The following SLC9D1 variants were observed in gnomAD, a reference collection of about 807,000 sequenced individuals.
SLC9D1 encodes the protein solute carrier family 9 member D1.
At chr13:113,526,854 A>G in the SLC9D1 span, among the ~76,000 whole-genome samples, 28,135 of 152,230 alleles carry the variant, frequency 0.18, 3,472 homozygotes, top group African/African-American at 0.35. Flanking sequence ...CGCCCTGTAC[A>G]GGTGTGCCAT....
At chr13:113,495,457 TA>T in the SLC9D1 span, 1 of 673,922 alleles carries the variant, frequency 1.5e-6, no homozygotes, top group Non-Finnish European at 2.5e-6. Context: ...TGATCAATAG[TA>T]ATGAATCATT....
At chr13:113,498,435 C>T in the SLC9D1 span, 1 of 1,587,994 alleles carries the variant, frequency 6.3e-7, no homozygotes, top group South Asian at 1.2e-5. Context: ...TTTATCCATG[C>T]TTGACGAGAT....
chr13:113,519,511 C>G, the SLC9D1 span, among the ~76,000 whole-genome samples: 1 of 152,180 alleles, frequency 6.6e-6, no homozygotes, highest in South Asian at 2.1e-4. Context: ...TGAAGAAGGT[C>G]TCATTTTCCT....
the SLC9D1 span, among the ~76,000 whole-genome samples, chr13:113,544,884 G>A: frequency 2.6e-5 from 4 of 152,256 alleles, no homozygotes; most frequent in South Asian, 2.1e-4. Context: ...GCAGGTGTTC[G>A]TCCATAAAGC....
chr13:113,526,182 C>T, the SLC9D1 span, among the ~76,000 whole-genome samples: 2 of 151,956 alleles, frequency 1.3e-5, no homozygotes, highest in Non-Finnish European at 2.9e-5. Context: ...CGGGTTTAGG[C>T]TAATGTGTGT....
chr13:113,532,657 C>T, the SLC9D1 span, among the ~76,000 whole-genome samples: 3 of 152,170 alleles, frequency 2.0e-5, no homozygotes, highest in South Asian at 2.1e-4. Flanking sequence ...GTCAGGAGTG[C>T]GGCAGGCCTG....
the SLC9D1 span, among the ~76,000 whole-genome samples, chr13:113,515,295 G>A: frequency 6.6e-6 from 1 of 152,220 alleles, no homozygotes. Flanking sequence ...AGAAGCAAAT[G>A]TGAATTCTGT....
the SLC9D1 span, chr13:113,495,732 C>T: frequency 1.9e-5 from 30 of 1,613,758 alleles, no homozygotes; most frequent in East Asian, 1.1e-4. Context: ...GCAGTGGGTC[C>T]GGGACAGCTG....
At chr13:113,524,947 C>T in the SLC9D1 span, among the ~76,000 whole-genome samples, 1 of 151,978 alleles carries the variant, frequency 6.6e-6, no homozygotes, top group South Asian at 2.1e-4. Context: ...TACTCTTTTT[C>T]TTTTACATCT....
the SLC9D1 span, among the ~76,000 whole-genome samples, chr13:113,523,500 T>C: frequency 3.3e-5 from 5 of 152,208 alleles, no homozygotes; most frequent in East Asian, 7.7e-4. Context: ...TGTAGTGATA[T>C]CTTCTGTTTC....
the SLC9D1 span, among the ~76,000 whole-genome samples, chr13:113,526,307 CTGTTT>C: frequency 1.3e-5 from 2 of 152,150 alleles, no homozygotes; most frequent in Non-Finnish European, 2.9e-5. Flanking sequence ...CATACAGTTT[CTGTTT>C]TAAGTGTCAT....
chr13:113,548,301 A>G, the SLC9D1 span: 5 of 1,613,848 alleles, frequency 3.1e-6, no homozygotes, highest in South Asian at 4.4e-5. Context: ...CCGCTCTTGC[A>G]GTTTCTCCTG....
At chr13:113,519,345 C>T in the SLC9D1 span, among the ~76,000 whole-genome samples, 47 of 134,550 alleles carry the variant, frequency 3.5e-4, no homozygotes, top group African/African-American at 1.3e-3. Context: ...CGCGCCCAGC[C>T]GCTTTTTTTT....
At chr13:113,543,963 C>G in the SLC9D1 span, among the ~76,000 whole-genome samples, 1 of 152,222 alleles carries the variant, frequency 6.6e-6, no homozygotes, top group Non-Finnish European at 1.5e-5. Flanking sequence ...TTTTCTCTAA[C>G]TCGGCCAGGA....
At chr13:113,537,532 A>C in the SLC9D1 span, among the ~76,000 whole-genome samples, 2 of 152,212 alleles carry the variant, frequency 1.3e-5, no homozygotes, top group Non-Finnish European at 2.9e-5. Context: ...GTTTTTGCAA[A>C]TGTCTTGCAG....
chr13:113,495,860 G>A, the SLC9D1 span: 1 of 1,614,076 alleles, frequency 6.2e-7, no homozygotes, highest in Admixed American at 1.7e-5. Context: ...TGTTTCAGGT[G>A]CACACGTTTG....
chr13:113,549,321 T>G, the SLC9D1 span: 1 of 1,299,094 alleles, frequency 7.7e-7, no homozygotes, highest in Non-Finnish European at 1.1e-6. Context: ...GACTCTAGCT[T>G]TGCAGGCGTC....
At chr13:113,547,065 A>T in the SLC9D1 span, 3 of 524,172 alleles carry the variant, frequency 5.7e-6, no homozygotes, top group Non-Finnish European at 1.0e-5. Flanking sequence ...TGTTGCAGGG[A>T]GTGGAGCTGG....
the SLC9D1 span, among the ~76,000 whole-genome samples, chr13:113,508,750 A>T: frequency 8.0e-3 from 1,221 of 152,364 alleles, 5 homozygotes; most frequent in Non-Finnish European, 0.014. Flanking sequence ...GTGGACAAGC[A>T]GGCCAGCTGG....
Sources: allele counts gnomAD v4.1 joint callset (sites outside exome capture counted in the v4.1 genomes callset), GRCh38; gene constraint gnomAD v4.1.1; transcripts MANE v1.5; gene names NCBI Gene and HGNC (gene_info 2026-07-23, HGNC 2026-07-21).